ACSL1: variants seen among roughly 807,000 people sequenced by gnomAD.
ACSL1 encodes acyl-CoA synthetase long chain family member 1.
ACSL1 carries 41 observed loss-of-function variants against 98.4 expected under a neutral mutation model. The ratio of observed to expected loss-of-function variants is 0.42; its 90% confidence interval spans 0.32 to 0.54. The LOEUF is 0.54. Among genes scored for constraint, ACSL1 ranks in the 20% least tolerant of loss-of-function variants. The pLI is 0.13. For synonymous variants in ACSL1, 316 were observed against 322.7 expected, an observed-to-expected ratio of 0.98 and a Z score of 0.22; for missense variants, 734 against 883.1, an observed-to-expected ratio of 0.83 and a Z score of 2.14.
chr4:184,803,670 C>T lies in ACSL1; in HGVS notation c.-32-124G>A, dbSNP rs929930613. ...TCGGCCAGTCCAGGCATTAAACCCA[C>T]AATCTAATGATCCGGGGCTTTTCCT... is the stretch of plus-strand genomic sequence containing the variant. On this transcript the variant is annotated intron_variant, in intron 1 of 20. Transcript: ENST00000281455. This position sits in a 1 kb window ranked among gnomAD's most constrained non-coding sequence, Gnocchi z 4.8. 18 of 496,634 alleles carry T rather than the reference C, an allele frequency of 3.6e-5. No individual in the cohort carries two copies. The highest frequency in any genetic ancestry group is 3.2e-4 in the African/African-American group (16 of 50,580). 30.8% of individuals were successfully genotyped at this position (496,634 alleles called of 1,614,324 possible).
chr4:184,823,470 G>GGACT (rs1773224624), intron 1 of ACSL1, among the ~76,000 whole-genome samples: 2 of 152,166 alleles, frequency 1.3e-5, no homozygotes, highest in South Asian at 4.1e-4. Flanking sequence ...ATTCCTCTAA[G>GGACT]GTTACTGACT....
At position 184,765,918 on chromosome 4, in the gene ACSL1, C is replaced by T. The variant is rs368732833; in HGVS notation, c.1332G>A (p.Thr444=). Residue 444 remains threonine (T), a synonymous_variant, in exon 14 of 21, where the codon ACG becomes ACA. Coordinates refer to ENST00000281455, the MANE Select transcript of ACSL1 (RefSeq NM_001995.5). ...GACAGCCCAGGGCTGCTCTGAGGAACGTCAGCACAGTGGCAGACACCGGGG... is the reference window on the plus strand; with the variant it reads ...GACAGCCCAGGGCTGCTCTGAGGAATGTCAGCACAGTGGCAGACACCGGGG... ...GAAPVSATVL[T]FLRAALGCQF... 12 of 1,613,940 alleles carry T rather than the reference C, an allele frequency of 7.4e-6. No homozygotes were observed. The highest frequency in any genetic ancestry group is 6.7e-5 in the African/African-American group (5 of 74,932).
At chr4:184,771,953 T>C (rs2150315289) in intron 10 of ACSL1, among the ~76,000 whole-genome samples, 1 of 152,336 alleles carries the variant, frequency 6.6e-6, no homozygotes, top group Admixed American at 6.5e-5. Context: ...ATTAATATAA[T>C]GAGAAATCGG....
In ACSL1 at chr4:184,759,868, T is replaced by C. The variant is rs149463772; in HGVS notation, c.1782+489A>G. Among the ~76,000 whole-genome samples, 12 of 152,364 alleles carry C rather than the reference T, an allele frequency of 7.9e-5. No individual in the cohort carries two copies. The East Asian group carries it at 2.1e-3, about 27-fold the overall frequency. ...AAACCAGATCCTCTCTTCCTTGGCA[T>C]CATCTGTCCAACATTTTGGCAAATA... is the stretch of plus-strand genomic sequence containing the variant. On this transcript the variant is annotated intron_variant, in intron 18 of 20. Coordinates refer to ENST00000281455, the MANE Select transcript of ACSL1 (RefSeq NM_001995.5).
intron 1 of ACSL1, among the ~76,000 whole-genome samples, chr4:184,823,473 T>C (rs1032675711): frequency 2.0e-5 from 3 of 152,238 alleles, no homozygotes; most frequent in African/African-American, 7.2e-5. Context: ...CCTCTAAGGT[T>C]ACTGACTATA....
In ACSL1 at chr4:184,808,980, T is replaced by C. The variant is rs147834732; in HGVS notation, c.-32-5434A>G. On this transcript the variant is annotated intron_variant, in intron 1 of 20. Transcript: ENST00000281455. ...TAACTTTGGGATCCCATAACAAACA[T>C]GCAAGTGGTTCCACAGGGAGTCAGT... 1.4e-3 allele frequency among the ~76,000 whole-genome samples: 215 copies of C among 152,316 alleles called. 1 individual carries two copies. Among genetic ancestry groups the C allele is most frequent in the African/African-American group, 5.1e-3 (211 of 41,566 alleles).
Position 184,765,931 on chromosome 4 carries a change from G to C in ACSL1, c.1319C>G (p.Ala440Gly). 6.2e-7 allele frequency: 1 copy of C among 1,614,066 alleles called. No individual in the cohort carries two copies. Among genetic ancestry groups the C allele is most frequent in the East Asian group, 2.2e-5 (1 of 44,880 alleles). The part of the protein sequence containing the change: ...LMVTGAAPVS[A>G]TVLTFLRAAL... ...TGCTCTGAGGAACGTCAGCACAGTG[G>C]CAGACACCGGGGCGGCTCCTGTCAC... Residue 440 changes from alanine (A) to glycine (G), a missense_variant, in exon 14 of 21, where the codon GCC (alanine) becomes GGC (glycine). Transcript: ENST00000281455.
chr4:184,814,323 G>A (rs1462498124), intron 1 of ACSL1, among the ~76,000 whole-genome samples: 1 of 150,846 alleles, frequency 6.6e-6, no homozygotes, highest in Non-Finnish European at 1.5e-5. Context: ...AGGAGAGTGG[G>A]AACAGAGGAG....
Position 184,805,554 on chromosome 4 carries a change from AG to A in ACSL1, c.-32-2009del, listed in dbSNP as rs1357254039. On this transcript the variant is annotated intron_variant, in intron 1 of 20. Coordinates refer to ENST00000281455, the MANE Select transcript of ACSL1 (RefSeq NM_001995.5). ...TCTGTGCCACCAACAGCTGACTACT[AG>A]GTGACACCCCACTGCAGACACAGAA... The A allele has an allele frequency of 5.2e-5, 51 of 983,208 alleles. 1 individual carries two copies. Among genetic ancestry groups the A allele is most frequent in the Non-Finnish European group, 5.7e-5 (47 of 827,822 alleles). 60.9% of individuals were successfully genotyped at this position (983,208 alleles called of 1,614,324 possible). A position where few individuals can be genotyped will look rare whatever the true frequency, so the allele number is the denominator to read the frequency against.
chr4:184,786,609 C>T (rs778451239), intron 3 of ACSL1, among the ~76,000 whole-genome samples: 2 of 151,942 alleles, frequency 1.3e-5, no homozygotes, highest in East Asian at 1.9e-4. Flanking sequence ...GCTTAATGCA[C>T]GTGCTATGGG....
chr4:184,810,882 T>G (rs1771995051), intron 1 of ACSL1, among the ~76,000 whole-genome samples: 1 of 152,168 alleles, frequency 6.6e-6, no homozygotes, highest in Non-Finnish European at 1.5e-5. Flanking sequence ...TCACAGTCCT[T>G]ACTGCACGGG....
chr4:184,794,120 A>T (rs932780229), intron 2 of ACSL1, among the ~76,000 whole-genome samples: 10 of 152,212 alleles, frequency 6.6e-5, no homozygotes, highest in Admixed American at 5.9e-4. Context: ...ACGGATACAG[A>T]GCGCCAACCG....
chr4:184,790,978 G>T (rs546551421), intron 2 of ACSL1, among the ~76,000 whole-genome samples: 9 of 152,200 alleles, frequency 5.9e-5, no homozygotes, highest in Non-Finnish European at 1.2e-4. Flanking sequence ...AGGACAAAAT[G>T]AGAGAAAACA....
At chr4:184,774,270 GT>G (rs1293284240) in intron 7 of ACSL1, among the ~76,000 whole-genome samples, 1 of 152,134 alleles carries the variant, frequency 6.6e-6, no homozygotes, top group East Asian at 1.9e-4. Context: ...TACTTCGTAG[GT>G]TCCTCAAATC....
In ACSL1 at chr4:184,770,481, A is replaced by C; in HGVS notation, c.916-5T>G. 1 of 1,610,412 alleles carries C rather than the reference A, an allele frequency of 6.2e-7. No homozygotes were observed. The highest frequency in any genetic ancestry group is 8.5e-7 in the Non-Finnish European group (1 of 1,177,984). On this transcript the variant is annotated splice_polypyrimidine_tract_variant and splice_region_variant and intron_variant, in intron 10 of 20. Transcript: ENST00000281455. ...TGGGCAAGGATTGACTGTATTCTGTAAGCAAAGACACCAGCAAGGCAGAAA... is the reference window on the plus strand; with the variant it reads ...TGGGCAAGGATTGACTGTATTCTGTCAGCAAAGACACCAGCAAGGCAGAAA...
At position 184,766,735 on chromosome 4, in the gene ACSL1, T is replaced by C. The variant is rs767089434; in HGVS notation, c.1150A>G (p.Thr384Ala). 12 of 1,612,594 alleles carry C rather than the reference T, an allele frequency of 7.4e-6. No individual in the cohort carries two copies. Among genetic ancestry groups the C allele is most frequent in the Admixed American group, 5.0e-5 (3 of 59,920 alleles). Reference sequence around the variant, plus strand: ...AAGTCCAAGAGCCATCGCTTCAGCGTGGTGTTTGCTTGTCCGAAAATCTAA... The same window carrying C: ...AAGTCCAAGAGCCATCGCTTCAGCGCGGTGTTTGCTTGTCCGAAAATCTAA... ...FDRIFGQANT[T>A]LKRWLLDFAS... Residue 384 changes from threonine to alanine, a missense_variant, in exon 13 of 21, where the codon ACG becomes GCG. Thr to Ala is a moderately conservative substitution (Grantham distance 58). Transcript: ENST00000281455. This position sits in a 1 kb window ranked among gnomAD's most constrained non-coding sequence, Gnocchi z 4.8.
intron 1 of ACSL1, among the ~76,000 whole-genome samples, chr4:184,810,973 T>C (rs1320425041): frequency 6.6e-6 from 1 of 152,134 alleles, no homozygotes; most frequent in Non-Finnish European, 1.5e-5. Flanking sequence ...GAGAACAGGA[T>C]GAGTGCCTGG....
intron 17 of ACSL1, among the ~76,000 whole-genome samples, chr4:184,762,056 G>A (rs968158692): frequency 6.6e-6 from 1 of 151,930 alleles, no homozygotes; most frequent in Non-Finnish European, 1.5e-5. Context: ...GAACCCGAGA[G>A]GTGGAGGTTG....
intron 1 of ACSL1, among the ~76,000 whole-genome samples, chr4:184,820,051 G>A (rs1772937329): frequency 6.6e-6 from 1 of 152,134 alleles, no homozygotes; most frequent in South Asian, 2.1e-4. Flanking sequence ...CACAGGGCCC[G>A]GGAACAAACT....
Sources: gnomAD v4.1 joint callset for allele counts (sites outside exome capture counted in the v4.1 genomes callset) on GRCh38, gnomAD v4.1.1 for gene constraint, Gnocchi (gnomAD v3.1) non-coding constraint, MANE v1.5 for transcripts, NCBI Gene and HGNC (gene_info 2026-07-23, HGNC 2026-07-21) for gene names.